TMEM70: variants seen among roughly 807,000 people sequenced by gnomAD.
The protein encoded by TMEM70 is transmembrane protein 70, mitochondrial.
Under a neutral mutation model 20.5 loss-of-function variants are expected in TMEM70, and 15 were observed. That is an observed-to-expected ratio of 0.73 (90% CI 0.49 to 1.13). The LOEUF (loss-of-function observed/expected upper bound fraction) is 1.13. Among genes scored for constraint, TMEM70 ranks in the 50% most tolerant of loss-of-function variants. TMEM70 has a pLI of 0.00. For missense variants in TMEM70, 344 were observed against 331.7 expected (o/e 1.04, Z -0.29); for synonymous variants, 141 against 134.2 (o/e 1.05, Z -0.35).
Position 73,981,806 on chromosome 8 carries a change from A to T in TMEM70, c.*185A>T. 1 of 688,046 alleles carries T rather than the reference A, an allele frequency of 1.5e-6. No homozygotes were observed. The highest frequency in any genetic ancestry group is 1.5e-5 in the South Asian group (1 of 66,646). The allele number at this position is 688,046 out of a possible 1,614,324, so 42.6% of individuals were successfully genotyped here. On this transcript the variant is annotated 3_prime_UTR_variant, in exon 3 of 3. Coordinates refer to ENST00000312184, the MANE Select transcript of TMEM70 (RefSeq NM_017866.6). ...CTATGTTTGAAAACCAAAATGTAGTATCTACCATTCGTGTTTTAGAAAGGT... is the reference window on the plus strand; with the variant it reads ...CTATGTTTGAAAACCAAAATGTAGTTTCTACCATTCGTGTTTTAGAAAGGT...
Position 73,981,092 on chromosome 8 carries a change from G to T in TMEM70, c.317-63G>T, listed in dbSNP as rs540008538. ...AAGAAGAAAAATGGAAGAATTAGTGGGATAGATTGATTCTTTTATAAAATT... is the reference window on the plus strand; with the variant it reads ...AAGAAGAAAAATGGAAGAATTAGTGTGATAGATTGATTCTTTTATAAAATT... On this transcript the variant is annotated intron_variant, in intron 2 of 2. Coordinates refer to ENST00000312184, the MANE Select transcript of TMEM70 (RefSeq NM_017866.6). 3.7e-5 allele frequency: 50 copies of T among 1,351,960 alleles called. 1 individual carries two copies. In the South Asian group the frequency reaches 5.9e-4, roughly 16 times the overall value. 83.7% of individuals were successfully genotyped at this position (1,351,960 alleles called of 1,614,324 possible).
In TMEM70 at chr8:73,981,620, G is replaced by T; in HGVS notation, c.782G>T (p.Ter261LeuextTer17). The change falls in exon 3 of 3, where the codon TGA (stop) becomes TTA (leucine). Residue 261 changes from the stop codon to leucine (L), a stop_lost. Transcript: ENST00000312184. ...GAGAAACGGCATAAAGATGACAAAT[G>T]AGCCTATTTGTTAGTGTTCGTGCTC... ...SEEKRHKDDK* is the reference protein window; with the variant it reads ...SEEKRHKDDKL 1.9e-6 allele frequency: 3 copies of T among 1,592,854 alleles called. No individual in the cohort carries two copies. Among genetic ancestry groups the T allele is most frequent in the South Asian group, 1.1e-5 (1 of 90,642 alleles).
At position 73,982,333 on chromosome 8, in the gene TMEM70, AG is replaced by A. The variant is rs1403637919; in HGVS notation, c.*714del. The stretch of plus-strand genomic sequence containing the variant: ...TCACTACAAGAAAAACTTACGGTGA[AG>A]GTTCTAAGGCATGGGATCGTTTCCA... On this transcript the variant is annotated 3_prime_UTR_variant, in exon 3 of 3. Transcript: ENST00000312184. 2 of 676,012 alleles carry A rather than the reference AG, an allele frequency of 3.0e-6. No individual in the cohort carries two copies. The highest frequency in any genetic ancestry group is 5.4e-6 in the Non-Finnish European group (2 of 368,836). 41.9% of individuals were successfully genotyped at this position (676,012 alleles called of 1,614,324 possible). A position where few individuals can be genotyped will look rare whatever the true frequency, so the allele number is the denominator to read the frequency against.
chr8:73,979,071 T>C, intron 2 of TMEM70: 1 of 674,368 alleles, frequency 1.5e-6, no homozygotes. Flanking sequence ...TCTCACTCTG[T>C]TGTCCAGGCT....
chr8:73,979,011 TGATAA>T lies in TMEM70; in HGVS notation c.316+154_316+158del, dbSNP rs963026404. 1.3e-5 allele frequency: 12 copies of T among 955,582 alleles called. No homozygotes were observed. The Admixed American group carries it at 1.4e-4, about 11-fold the overall frequency. 59.2% of individuals were successfully genotyped at this position (955,582 alleles called of 1,614,324 possible). ...TTCATTTTTTTTTCTTGAGGTGTGTTGATAAGATGTAGAGACCTTTGCATTTTTAG... is the reference window on the plus strand; with the variant it reads ...TTCATTTTTTTTTCTTGAGGTGTGTTGATGTAGAGACCTTTGCATTTTTAG... On this transcript the variant is annotated intron_variant, in intron 2 of 2. Coordinates refer to ENST00000312184, the MANE Select transcript of TMEM70 (RefSeq NM_017866.6).
Position 73,981,386 on chromosome 8 carries a change from C to G in TMEM70, c.548C>G (p.Thr183Ser). Residue 183 changes from threonine (T) to serine (S), a missense_variant, in exon 3 of 3, where the codon ACC becomes AGC. Physicochemically the swap from Thr to Ser is moderately conservative, Grantham distance 58. Coordinates refer to ENST00000312184, the MANE Select transcript of TMEM70 (RefSeq NM_017866.6). ...ACAACAGACACTTATAAAGCCATTA[C>G]CTACAATGCTATGCTTGCAGAAACG... ...EATTDTYKAI[T>S]YNAMLAETST... 6.2e-7 allele frequency: 1 copy of G among 1,614,166 alleles called. No homozygotes were observed. The highest frequency in any genetic ancestry group is 1.1e-5 in the South Asian group (1 of 91,080).
At position 73,982,627 on chromosome 8, in the gene TMEM70, GAAC is replaced by G; in HGVS notation, c.*1008_*1010del. On this transcript the variant is annotated 3_prime_UTR_variant, in exon 3 of 3. Coordinates refer to ENST00000312184, the MANE Select transcript of TMEM70 (RefSeq NM_017866.6). ...TAACCCCTGGCATGATTGCCCATAA[GAAC>G]ATACATGTACAGTTGAACTGGTGGT... 2 of 475,224 alleles carry G rather than the reference GAAC, an allele frequency of 4.2e-6. No individual in the cohort carries two copies. The highest frequency in any genetic ancestry group is 8.3e-6 in the Non-Finnish European group (2 of 240,318). 29.4% of individuals were successfully genotyped at this position (475,224 alleles called of 1,614,324 possible). A position where few individuals can be genotyped will look rare whatever the true frequency, so the allele number is the denominator to read the frequency against.
chr8:73,981,555 CAAA>C lies in TMEM70; in HGVS notation c.718_720del (p.Lys240del). 2 of 1,613,444 alleles carry C rather than the reference CAAA, an allele frequency of 1.2e-6. No homozygotes were observed. The highest frequency in any genetic ancestry group is 1.7e-6 in the Non-Finnish European group (2 of 1,179,746). ...ACTATATCCATCTAATGGGTTATGA[CAAA>C]GAAGAATTTATTTTGTATATGGAAG... On this transcript the variant is annotated inframe_deletion, in exon 3 of 3. Transcript: ENST00000312184.
intron 1 of TMEM70, among the ~76,000 whole-genome samples, chr8:73,977,340 C>T (rs1815675641): frequency 8.1e-6 from 1 of 123,106 alleles, no homozygotes; most frequent in Admixed American, 8.7e-5. Context: ...CTCCACCACA[C>T]CCCGGCTGAT....
In TMEM70 at chr8:73,982,613, A is replaced by G; in HGVS notation, c.*992A>G. 3 of 478,320 alleles carry G rather than the reference A, an allele frequency of 6.3e-6. No homozygotes were observed. Among genetic ancestry groups the G allele is most frequent in the Non-Finnish European group, 1.2e-5 (3 of 242,270 alleles). The allele number at this position is 478,320 out of a possible 1,614,324, so 29.6% of individuals were successfully genotyped here. On this transcript the variant is annotated 3_prime_UTR_variant, in exon 3 of 3. Transcript: ENST00000312184. ...CACAGGTTTTTGCCTAACCCCTGGC[A>G]TGATTGCCCATAAGAACATACATGT...
rs937236138 is a variant in TMEM70, at chr8:73,981,988, T to A, written c.*367T>A. On this transcript the variant is annotated 3_prime_UTR_variant, in exon 3 of 3. Coordinates refer to ENST00000312184, the MANE Select transcript of TMEM70 (RefSeq NM_017866.6). ...AAATATTTTCCGACATTAAAAGACATTTTCTCTTTGAGGAAGACACAGTCA... is the reference window on the plus strand; with the variant it reads ...AAATATTTTCCGACATTAAAAGACAATTTCTCTTTGAGGAAGACACAGTCA... 1.3e-5 allele frequency: 6 copies of A among 469,872 alleles called. No homozygotes were observed. The highest frequency in any genetic ancestry group is 9.9e-5 in the African/African-American group (5 of 50,670). The allele number at this position is 469,872 out of a possible 1,614,324, so 29.1% of individuals were successfully genotyped here. A position where few individuals can be genotyped will look rare whatever the true frequency, so the allele number is the denominator to read the frequency against.
At chr8:73,980,295 G>A (rs1471721558) in intron 2 of TMEM70, among the ~76,000 whole-genome samples, 1 of 151,976 alleles carries the variant, frequency 6.6e-6, no homozygotes, top group Non-Finnish European at 1.5e-5. Flanking sequence ...CGCCATGCTG[G>A]CCAGGCTGCT....
chr8:73,981,129 A>G, intron 2 of TMEM70, 26 bp from the exon 3 acceptor site: 1 of 1,560,250 alleles, frequency 6.4e-7, no homozygotes, highest in East Asian at 2.2e-5. Flanking sequence ...AAAAGTATTG[A>G]TCCTCTCTCT....
At position 73,976,380 on chromosome 8, in the gene TMEM70, GGCCTCTGTCTCCC is replaced by G. The variant is rs1563697108; in HGVS notation, c.101_113del (p.Ala34GlyfsTer12). ...CGGCCGCCGCGCTCCGAGGTCCCCG[GGCCTCTGTCTCCC>G]GGGCGTCCTCCAGCAGCGGGCCTTC... is the stretch of plus-strand genomic sequence containing the variant. On this transcript the variant is annotated frameshift_variant, in exon 1 of 3. Transcript: ENST00000312184. LOFTEE classifies it high-confidence loss of function. The G allele has an allele frequency of 6.3e-7, 1 of 1,596,358 alleles. No individual in the cohort carries two copies. Among genetic ancestry groups the G allele is most frequent in the Non-Finnish European group, 8.5e-7 (1 of 1,178,482 alleles).
chr8:73,982,336 T>C lies in TMEM70; in HGVS notation c.*715T>C. The C allele has an allele frequency of 1.5e-6, 1 of 688,386 alleles. No individual in the cohort carries two copies. The highest frequency in any genetic ancestry group is 2.6e-6 in the Non-Finnish European group (1 of 377,940). 42.6% of individuals were successfully genotyped at this position (688,386 alleles called of 1,614,324 possible). A position where few individuals can be genotyped will look rare whatever the true frequency, so the allele number is the denominator to read the frequency against. On this transcript the variant is annotated 3_prime_UTR_variant, in exon 3 of 3. Coordinates refer to ENST00000312184, the MANE Select transcript of TMEM70 (RefSeq NM_017866.6). The stretch of plus-strand genomic sequence containing the variant: ...CTACAAGAAAAACTTACGGTGAAGG[T>C]TCTAAGGCATGGGATCGTTTCCAGA...
intron 1 of TMEM70, 69 bp downstream of exon 1, chr8:73,976,560 C>G: frequency 7.2e-7 from 1 of 1,383,648 alleles, no homozygotes; most frequent in South Asian, 1.5e-5. Flanking sequence ...GCCTGGGGAG[C>G]CCCAGCGGCT....
chr8:73,980,786 T>G (rs1173838991), intron 2 of TMEM70, among the ~76,000 whole-genome samples: 1 of 152,178 alleles, frequency 6.6e-6, no homozygotes, highest in Non-Finnish European at 1.5e-5. Context: ...TATACTGGAG[T>G]GCTTGTTAAT....
intron 1 of TMEM70, among the ~76,000 whole-genome samples, chr8:73,977,366 T>G (rs1815677252): frequency 6.6e-6 from 1 of 151,912 alleles, no homozygotes; most frequent in South Asian, 2.1e-4. Flanking sequence ...TTTTGTATTT[T>G]TAGTAGAGAC....
intron 1 of TMEM70, among the ~76,000 whole-genome samples, chr8:73,977,253 C>T (rs1344251602): frequency 6.6e-6 from 1 of 152,148 alleles, no homozygotes; most frequent in Non-Finnish European, 1.5e-5. Flanking sequence ...GTGATCTTGG[C>T]TCACTGCAAC....
Sources: allele counts gnomAD v4.1 joint callset (sites outside exome capture counted in the v4.1 genomes callset), GRCh38; gene constraint gnomAD v4.1.1; transcripts MANE v1.5; gene names NCBI Gene and HGNC (gene_info 2026-07-23, HGNC 2026-07-21).